OXNAD1: variants seen among roughly 807,000 people sequenced by gnomAD.
OXNAD1 encodes the protein oxidoreductase NAD binding domain containing 1, also known as oxidoreductase NAD-binding domain-containing protein 1.
Under a neutral mutation model 32.9 loss-of-function variants are expected in OXNAD1, and 34 were observed. The ratio of observed to expected loss-of-function variants is 1.03; its 90% CI spans 0.79 to 1.38. The LOEUF (loss-of-function observed/expected upper bound fraction) is 1.38. OXNAD1 is among the 40% of genes most tolerant of loss of function. The pLI is 0.00. For missense variants in OXNAD1, 407 were observed against 379.4 expected, an observed-to-expected ratio of 1.07 and a Z score of -0.60; for synonymous variants, 134 against 135.2, an observed-to-expected ratio of 0.99 and a Z score of 0.06.
rs2066910509 is a variant in OXNAD1, at chr3:16,297,889, T to G, written c.432+2892T>G. Among the ~76,000 whole-genome samples, 1 of 152,160 alleles carries G rather than the reference T, an allele frequency of 6.6e-6. No individual in the cohort carries two copies. Among genetic ancestry groups the G allele is most frequent in the African/African-American group, 2.4e-5 (1 of 41,450 alleles). On this transcript the variant is annotated intron_variant, in intron 6 of 8. Coordinates refer to ENST00000285083, the MANE Select transcript of OXNAD1 (RefSeq NM_138381.5). This position sits in a 1 kb window ranked among gnomAD's most constrained non-coding sequence, Gnocchi z 4.3. ...AGGGGGTGATGGAACTAATATATGTTTTGATTTTGATGATTGTTACCCAGA... is the reference window on the plus strand; with the variant it reads ...AGGGGGTGATGGAACTAATATATGTGTTGATTTTGATGATTGTTACCCAGA...
At chr3:16,330,036 TCAG>T (rs1303877406) in intron 9 of OXNAD1, among the ~76,000 whole-genome samples, 7 of 152,224 alleles carry the variant, frequency 4.6e-5, no homozygotes, top group African/African-American at 1.4e-4. Flanking sequence ...AAAGAAAAAA[TCAG>T]CAGGATTTCT....
At position 16,302,763 on chromosome 3, in the gene OXNAD1, G is replaced by T; in HGVS notation, c.784+15G>T. On this transcript the variant is annotated intron_variant, in intron 8 of 8. Transcript: ENST00000285083. This position sits in a 1 kb window ranked among gnomAD's most constrained non-coding sequence, Gnocchi z 4.2. Reference sequence around the variant, plus strand: ...ATACATCACGGGTGAGTCCCCTAAAGATATTTTGACTATCTCCATGCAGTT... The same window carrying T: ...ATACATCACGGGTGAGTCCCCTAAATATATTTTGACTATCTCCATGCAGTT... 1 of 1,576,638 alleles carries T rather than the reference G, an allele frequency of 6.3e-7. No individual in the cohort carries two copies. Among genetic ancestry groups the T allele is most frequent in the South Asian group, 1.1e-5 (1 of 89,504 alleles).
In OXNAD1 at chr3:16,322,328, C is replaced by T. The variant is rs2125195039; in HGVS notation, c.*31-14784C>T. 6.6e-6 allele frequency among the ~76,000 whole-genome samples: 1 copy of T among 152,366 alleles called. No individual in the cohort carries two copies. Among genetic ancestry groups the T allele is most frequent in the Non-Finnish European group, 1.5e-5 (1 of 68,038 alleles). On this transcript the variant is annotated intron_variant, in intron 9 of 9. Coordinates refer to the OXNAD1 transcript ENST00000435829. The surrounding 1 kb of genome is among the most constrained non-coding windows in gnomAD (Gnocchi z 6.2). ...CTTTGGCACTCCTTCCACAAGTGGG[C>T]TCCCCCTGGAGTTGTTGGCTGGTGA...
rs1340143215 is a variant in OXNAD1, at chr3:16,280,315, T to G, written c.184-6027T>G. 6.6e-6 allele frequency among the ~76,000 whole-genome samples: 1 copy of G among 152,180 alleles called. No individual in the cohort carries two copies. The highest frequency in any genetic ancestry group is 1.9e-4 in the East Asian group (1 of 5,200). Reference sequence around the variant, plus strand: ...ACCAGCCCAGGTGGACAGGTTAGCCTTTGGTAGGAGTAAAGTGAGTTTACT... The same window carrying G: ...ACCAGCCCAGGTGGACAGGTTAGCCGTTGGTAGGAGTAAAGTGAGTTTACT... On this transcript the variant is annotated intron_variant, in intron 4 of 8. Transcript: ENST00000285083. This position sits in a 1 kb window ranked among gnomAD's most constrained non-coding sequence, Gnocchi z 4.5.
At chr3:16,326,467 G>A (rs535414787) in intron 9 of OXNAD1, among the ~76,000 whole-genome samples, 1 of 152,344 alleles carries the variant, frequency 6.6e-6, no homozygotes, top group South Asian at 2.1e-4. Context: ...CACATAGTAG[G>A]TGCTGAATTT....
At chr3:16,294,478 G>A (rs974480864) in intron 5 of OXNAD1, among the ~76,000 whole-genome samples, 3 of 152,212 alleles carry the variant, frequency 2.0e-5, no homozygotes, top group East Asian at 3.8e-4. Context: ...CAAAGTGCTG[G>A]GATTACAGGC....
At position 16,299,112 on chromosome 3, in the gene OXNAD1, A is replaced by G. The variant is rs2067003688; in HGVS notation, c.433-2514A>G. Reference sequence around the variant, plus strand: ...AATACTCTGGTTTCTAAAAACAATAACCTAGAGGCTTTCTTTGTTGTCATT... The same window carrying G: ...AATACTCTGGTTTCTAAAAACAATAGCCTAGAGGCTTTCTTTGTTGTCATT... On this transcript the variant is annotated intron_variant, in intron 6 of 8. Coordinates refer to ENST00000285083, the MANE Select transcript of OXNAD1 (RefSeq NM_138381.5). This position sits in a 1 kb window ranked among gnomAD's most constrained non-coding sequence, Gnocchi z 4.4. Among the ~76,000 whole-genome samples the G allele has an allele frequency of 6.6e-6, 1 of 152,210 alleles. No homozygotes were observed. Among genetic ancestry groups the G allele is most frequent in the African/African-American group, 2.4e-5 (1 of 41,446 alleles).
Position 16,299,320 on chromosome 3 carries a change from TGAAAG to T in OXNAD1, c.433-2300_433-2296del, listed in dbSNP as rs542490119. The stretch of plus-strand genomic sequence containing the variant: ...TATCTTAAATTCTATTTTTGAGACT[TGAAAG>T]GAAAGAATATTTTAAAGCACTTTGG... On this transcript the variant is annotated intron_variant, in intron 6 of 8. Transcript: ENST00000285083. The surrounding 1 kb of genome is among the most constrained non-coding windows in gnomAD (Gnocchi z 4.4). 1.3e-3 allele frequency among the ~76,000 whole-genome samples: 200 copies of T among 152,298 alleles called. No homozygotes were observed. The highest frequency in any genetic ancestry group is 2.0e-3 in the Non-Finnish European group (135 of 68,024).
At chr3:16,291,312 A>G (rs764626832) in intron 5 of OXNAD1, among the ~76,000 whole-genome samples, 4 of 152,242 alleles carry the variant, frequency 2.6e-5, no homozygotes, top group African/African-American at 4.8e-5. Context: ...AAAGTGTACA[A>G]TTCAGAGGTT....
chr3:16,295,402 G>A (rs1416889591), intron 6 of OXNAD1, among the ~76,000 whole-genome samples: 3 of 152,168 alleles, frequency 2.0e-5, no homozygotes, highest in Non-Finnish European at 1.5e-5. Flanking sequence ...ACATAGTACT[G>A]CTTCTTCCCA....
At chr3:16,341,050 T>C (rs1427323424), downstream of OXNAD1, among the ~76,000 whole-genome samples, 1 of 152,182 alleles carries the variant, frequency 6.6e-6, no homozygotes, top group Non-Finnish European at 1.5e-5. The surrounding 1 kb of genome is among the most constrained non-coding windows in gnomAD (Gnocchi z 4.7). Context: ...ATAATAAGCA[T>C]ATAAAAAGAT....
rs531064650 is a variant in OXNAD1, at chr3:16,297,672, T to C, written c.432+2675T>C. 1.6e-4 allele frequency among the ~76,000 whole-genome samples: 25 copies of C among 152,318 alleles called. No individual in the cohort carries two copies. The highest frequency in any genetic ancestry group is 6.8e-3 in the Middle Eastern group (2 of 294). Reference sequence around the variant, plus strand: ...GACTATTAAAGAGATGAATTATTGATGCATGCAGCAATGTGGGTGAATCTC... The same window carrying C: ...GACTATTAAAGAGATGAATTATTGACGCATGCAGCAATGTGGGTGAATCTC... On this transcript the variant is annotated intron_variant, in intron 6 of 8. Transcript: ENST00000285083. The surrounding 1 kb of genome is among the most constrained non-coding windows in gnomAD (Gnocchi z 4.3).
chr3:16,267,245 C>A (rs962912210), intron 1 of OXNAD1, among the ~76,000 whole-genome samples: 1 of 152,148 alleles, frequency 6.6e-6, no homozygotes, highest in African/African-American at 2.4e-5. Context: ...TAATCTTAGA[C>A]CAGAGTCTTT....
At chr3:16,286,577 C>T (rs2066088331) in intron 5 of OXNAD1, 129 bp downstream of exon 5, 2 of 736,684 alleles carry the variant, frequency 2.7e-6, no homozygotes, top group Admixed American at 2.5e-5. Flanking sequence ...CATATCTGCT[C>T]AGGGTGAGCC....
rs1553718092 is a variant in OXNAD1, at chr3:16,324,620, C to CCG, written c.*31-12491_*31-12490insGC. 4.2e-5 allele frequency among the ~76,000 whole-genome samples: 6 copies of CCG among 142,888 alleles called. 1 individual carries two copies. The highest frequency in any genetic ancestry group is 9.2e-5 in the Non-Finnish European group (6 of 64,960). The allele number at this position is 142,888 out of a possible 152,430, so 93.7% of individuals were successfully genotyped here. A position where few individuals can be genotyped will look rare whatever the true frequency, so the allele number is the denominator to read the frequency against. The stretch of plus-strand genomic sequence containing the variant: ...AATAACAGAATGTCCCTGACCCCCC[C>CCG]CCTTTTAAGGTTGCATAGTATTCCA... On this transcript the variant is annotated intron_variant, in intron 9 of 9. Transcript: ENST00000435829.
chr3:16,271,827 A>G lies in OXNAD1; in HGVS notation c.183+105A>G. On this transcript the variant is annotated intron_variant, in intron 4 of 8. Coordinates refer to ENST00000285083, the MANE Select transcript of OXNAD1 (RefSeq NM_138381.5). This position sits in a 1 kb window ranked among gnomAD's most constrained non-coding sequence, Gnocchi z 4.6. Reference sequence around the variant, plus strand: ...TAGATGAGTCTGGTCCTTTTGAAGGAGAGTTGGGAAGTTTGTTATTTTTCT... The same window carrying G: ...TAGATGAGTCTGGTCCTTTTGAAGGGGAGTTGGGAAGTTTGTTATTTTTCT... 8 of 940,264 alleles carry G rather than the reference A, an allele frequency of 8.5e-6. No homozygotes were observed. Among genetic ancestry groups the G allele is most frequent in the Non-Finnish European group, 1.3e-5 (8 of 628,060 alleles). 58.2% of individuals were successfully genotyped at this position (940,264 alleles called of 1,614,324 possible).
rs1384335138 is a variant in OXNAD1, at chr3:16,335,333, G to A, written c.*31-1779G>A. Among the ~76,000 whole-genome samples the A allele has an allele frequency of 6.6e-6, 1 of 152,152 alleles. No homozygotes were observed. The highest frequency in any genetic ancestry group is 1.5e-5 in the Non-Finnish European group (1 of 68,040). ...GAAGATGAACGAAAATGGGCTGAGTGGGAAGGAATCAGCCCTTGGACAATC... is the reference window on the plus strand; with the variant it reads ...GAAGATGAACGAAAATGGGCTGAGTAGGAAGGAATCAGCCCTTGGACAATC... On this transcript the variant is annotated intron_variant, in intron 9 of 9. Coordinates refer to the OXNAD1 transcript ENST00000435829. This position sits in a 1 kb window ranked among gnomAD's most constrained non-coding sequence, Gnocchi z 4.7.
chr3:16,266,678 A>G (rs1005897418), intron 1 of OXNAD1, among the ~76,000 whole-genome samples: 3 of 150,858 alleles, frequency 2.0e-5, no homozygotes, highest in South Asian at 2.1e-4. Flanking sequence ...GTGCTGTTGT[A>G]TATCAGGCCA....
At chr3:16,350,547 C>T (rs1429684269), downstream of OXNAD1, among the ~76,000 whole-genome samples, 1 of 151,036 alleles carries the variant, frequency 6.6e-6, no homozygotes, top group Non-Finnish European at 1.5e-5. Flanking sequence ...ATTCTGTAAA[C>T]AGGTGTGTAA....
Sources: gnomAD v4.1 joint callset for allele counts (sites outside exome capture counted in the v4.1 genomes callset) on GRCh38, gnomAD v4.1.1 for gene constraint, Gnocchi (gnomAD v3.1) non-coding constraint, MANE v1.5 for transcripts, NCBI Gene and HGNC (gene_info 2026-07-23, HGNC 2026-07-21) for gene names.